Variants in CYTH1 observed in about 807,000 individuals in gnomAD.
CYTH1 encodes the protein cytohesin 1.
In CYTH1, 18 loss-of-function variants were observed where a neutral mutation model predicts 61.8. The ratio of observed to expected loss-of-function variants is 0.29; its 90% CI spans 0.20 to 0.43. CYTH1 has a LOEUF of 0.43. Ranked by LOEUF, CYTH1 falls within the 20% of genes least tolerant of loss-of-function variation. The pLI, the probability that CYTH1 is intolerant of heterozygous loss-of-function variation, is 1.00. For synonymous variants in CYTH1, 174 were observed against 184.3 expected, an observed-to-expected ratio of 0.94 and a Z score of 0.45; for missense variants, 336 against 510.5, an observed-to-expected ratio of 0.66 and a Z score of 3.29.
chr17:78,771,294 G>A (rs1299226018), intron 1 of CYTH1, among the ~76,000 whole-genome samples: 1 of 152,070 alleles, frequency 6.6e-6, no homozygotes, highest in Non-Finnish European at 1.5e-5. Context: ...GTAAAAATAA[G>A]CCAGGTACAG....
At chr17:78,733,126 C>T (rs936399364) in intron 1 of CYTH1, among the ~76,000 whole-genome samples, 18 of 144,250 alleles carry the variant, frequency 1.2e-4, no homozygotes, top group South Asian at 8.9e-4. Context: ...GGAAAGTTCA[C>T]GTCAAGGACA....
chr17:78,752,202 A>G, intron 1 of CYTH1, among the ~76,000 whole-genome samples: 1 of 152,262 alleles, frequency 6.6e-6, no homozygotes, highest in Non-Finnish European at 1.5e-5. Flanking sequence ...TATGATCTCC[A>G]TGTTCAGATT....
At position 78,705,242 on chromosome 17, in the gene CYTH1, C is replaced by T. The variant is rs537250409; in HGVS notation, c.171-2638G>A. Among the ~76,000 whole-genome samples the T allele has an allele frequency of 2.6e-5, 4 of 152,214 alleles. No individual in the cohort carries two copies. In the South Asian group the frequency reaches 8.3e-4, roughly 32 times the overall value. On this transcript the variant is annotated intron_variant, in intron 3 of 13. Coordinates refer to ENST00000446868, the MANE Select transcript of CYTH1 (RefSeq NM_004762.6). ...ACCAGAACGCACACTCCCAGATATC[C>T]GCCAGTCACAGTCTGTGCCACATGA...
At chr17:78,728,941 A>C (rs942543056) in intron 1 of CYTH1, among the ~76,000 whole-genome samples, 7 of 152,240 alleles carry the variant, frequency 4.6e-5, no homozygotes, top group Non-Finnish European at 8.8e-5. Context: ...TAATTCTAGA[A>C]TAGAGCATGA....
intron 1 of CYTH1, among the ~76,000 whole-genome samples, chr17:78,713,644 A>T (rs566086296): frequency 6.7e-6 from 1 of 150,124 alleles, no homozygotes; most frequent in East Asian, 2.0e-4. Context: ...CTGAGCACTC[A>T]ACCATTCTGG....
In CYTH1 at chr17:78,713,445, T is replaced by C. The variant is rs546357958; in HGVS notation, c.23-3713A>G. On this transcript the variant is annotated intron_variant, in intron 1 of 13. Coordinates refer to ENST00000446868, the MANE Select transcript of CYTH1 (RefSeq NM_004762.6). Reference sequence around the variant, plus strand: ...TGATTTTGAAGCTACAGAACTGGCTTAATCAGATCATCAATGTATCTCTAC... The same window carrying C: ...TGATTTTGAAGCTACAGAACTGGCTCAATCAGATCATCAATGTATCTCTAC... Among the ~76,000 whole-genome samples, 5 of 152,352 alleles carry C rather than the reference T, an allele frequency of 3.3e-5. No homozygotes were observed. The South Asian group carries it at 8.3e-4, about 25-fold the overall frequency.
intron 1 of CYTH1, among the ~76,000 whole-genome samples, chr17:78,774,137 T>C (rs1020967734): frequency 6.6e-6 from 1 of 152,194 alleles, no homozygotes; most frequent in Admixed American, 6.5e-5. Context: ...TACTGATACA[T>C]TGCTAAGAAA....
chr17:78,721,573 G>C (rs549595787), intron 1 of CYTH1, among the ~76,000 whole-genome samples: 4 of 152,088 alleles, frequency 2.6e-5, no homozygotes, highest in East Asian at 1.9e-4. Flanking sequence ...GGAAGACTTC[G>C]GTCCTCTTCT....
intron 1 of CYTH1, among the ~76,000 whole-genome samples, chr17:78,778,274 T>C (rs2144781370): frequency 8.3e-6 from 1 of 120,080 alleles, no homozygotes; most frequent in Non-Finnish European, 1.6e-5. Context: ...CACTCCAGCC[T>C]GGGTGACAGA....
rs1190453888 is a variant in CYTH1 at position 78,700,024 on chromosome 17, C to G, written c.550+307G>C. Among the ~76,000 whole-genome samples, 1 of 152,142 alleles carries G rather than the reference C, an allele frequency of 6.6e-6. No individual in the cohort carries two copies. The highest frequency in any genetic ancestry group is 2.4e-5 in the African/African-American group (1 of 41,428). ...CAGGCTGGTCTCAAACTCCTAGCCT[C>G]AAGCAATCCTCTCACCTCGGCCTCC... is the stretch of plus-strand genomic sequence containing the variant. On this transcript the variant is annotated intron_variant, in intron 7 of 13. Transcript: ENST00000446868. This position sits in a 1 kb window ranked among gnomAD's most constrained non-coding sequence, Gnocchi z 5.1.
At chr17:78,743,862 G>T (rs2093350361) in intron 1 of CYTH1, among the ~76,000 whole-genome samples, 1 of 152,228 alleles carries the variant, frequency 6.6e-6, no homozygotes, top group Non-Finnish European at 1.5e-5. Context: ...CCGTGTGGTA[G>T]GCATGGCCTA....
At position 78,773,578 on chromosome 17, in the gene CYTH1, G is replaced by A. The variant is rs561014964; in HGVS notation, c.22+8624C>T. On this transcript the variant is annotated intron_variant, in intron 1 of 13. Coordinates refer to ENST00000446868, the MANE Select transcript of CYTH1 (RefSeq NM_004762.6). ...CGGGAGGCAGATGTTGCAGTGAGCCGAGATTGTGCCACTGCACTGCAGCCT... is the reference window on the plus strand; with the variant it reads ...CGGGAGGCAGATGTTGCAGTGAGCCAAGATTGTGCCACTGCACTGCAGCCT... 1.9e-4 allele frequency among the ~76,000 whole-genome samples: 29 copies of A among 150,378 alleles called. No individual in the cohort carries two copies. In the East Asian group the frequency reaches 2.1e-3, roughly 11 times the overall value.
At chr17:78,759,457 C>G (rs2093413870) in intron 1 of CYTH1, among the ~76,000 whole-genome samples, 1 of 152,150 alleles carries the variant, frequency 6.6e-6, no homozygotes, top group South Asian at 2.1e-4. Context: ...CTAGCAACAG[C>G]TGCAACATAA....
At chr17:78,720,507 C>T (rs1031300802) in intron 1 of CYTH1, among the ~76,000 whole-genome samples, 2 of 152,170 alleles carry the variant, frequency 1.3e-5, no homozygotes, top group Non-Finnish European at 1.5e-5. Context: ...TTAGTAGAGA[C>T]GGGGTTTCAC....
chr17:78,682,944 C>CCCT (rs2092778725), intron 11 of CYTH1, among the ~76,000 whole-genome samples: 1 of 152,182 alleles, frequency 6.6e-6, no homozygotes, highest in Non-Finnish European at 1.5e-5. Flanking sequence ...AAGGGTTACC[C>CCCT]CCTCTTTGTT....
chr17:78,781,430 G>A (rs899162378), intron 1 of CYTH1, among the ~76,000 whole-genome samples: 3 of 152,216 alleles, frequency 2.0e-5, no homozygotes, highest in African/African-American at 4.8e-5. Flanking sequence ...CAGCCTCAAC[G>A]CGCGGGAGCG....
At chr17:78,684,841 GTTTC>G (rs940444826) in intron 11 of CYTH1, among the ~76,000 whole-genome samples, 98 of 152,294 alleles carry the variant, frequency 6.4e-4, no homozygotes, top group African/African-American at 2.1e-3. Flanking sequence ...CAAAGTAAAT[GTTTC>G]TTTACCACAA....
In CYTH1 at chr17:78,700,267, G is replaced by T; in HGVS notation, c.550+64C>A. ...AGCCCTTTTGTTTTAGAAATTATCT[G>T]GTGCCAAGAAAATAATCCAGTGTAA... On this transcript the variant is annotated intron_variant, in intron 7 of 13. Transcript: ENST00000446868. This position sits in a 1 kb window ranked among gnomAD's most constrained non-coding sequence, Gnocchi z 5.1. The T allele has an allele frequency of 1.5e-6, 2 of 1,373,026 alleles. No individual in the cohort carries two copies. 85.1% of individuals were successfully genotyped at this position (1,373,026 alleles called of 1,614,324 possible).
At position 78,750,669 on chromosome 17, in the gene CYTH1, G is replaced by C. The variant is rs140615671; in HGVS notation, c.22+31533C>G. On this transcript the variant is annotated intron_variant, in intron 1 of 13. Transcript: ENST00000446868. ...AAAAATACAAAAATTAGATGGGTGA[G>C]GTGGTGGGCGCCTGTAATCCCAGCT... Among the ~76,000 whole-genome samples, 549 of 152,026 alleles carry C rather than the reference G, an allele frequency of 3.6e-3. 3 individuals carry two copies. Among genetic ancestry groups the C allele is most frequent in the Middle Eastern group, 0.01 (3 of 294 alleles).
Sources: gnomAD v4.1 joint callset for allele counts (sites outside exome capture counted in the v4.1 genomes callset) on GRCh38, gnomAD v4.1.1 for gene constraint, Gnocchi (gnomAD v3.1) non-coding constraint, MANE v1.5 for transcripts, NCBI Gene and HGNC (gene_info 2026-07-23, HGNC 2026-07-21) for gene names.